Variants in SRBD1 observed in about 807,000 individuals in gnomAD.
The protein encoded by SRBD1 is S1 RNA-binding domain-containing protein 1.
SRBD1 carries 88 observed loss-of-function variants against 115.3 expected under a neutral mutation model. The ratio of observed to expected loss-of-function variants is 0.76; its 90% CI spans 0.64 to 0.91. SRBD1 has a LOEUF of 0.91. SRBD1 is among the 40% of genes least tolerant of loss of function. SRBD1 has a pLI of 0.00. For missense variants in SRBD1, 1,385 were observed against 1,177.4 expected, an observed-to-expected ratio of 1.18 and a Z score of -2.58; for synonymous variants, 509 against 407.7, an observed-to-expected ratio of 1.25 and a Z score of -2.99.
Position 45,491,302 on chromosome 2 carries a change from T to C in SRBD1, c.1875-2971A>G, listed in dbSNP as rs148968305. Among the ~76,000 whole-genome samples, 827 of 152,316 alleles carry C rather than the reference T, an allele frequency of 5.4e-3. 4 individuals are homozygous for C. Among genetic ancestry groups the C allele is most frequent in the Middle Eastern group, 0.02 (6 of 294 alleles). ...AAATGAACTTTATATAAAATTCATA[T>C]ATCTAACGATTTAATATTACATTTC... On this transcript the variant is annotated intron_variant, in intron 14 of 20. Transcript: ENST00000263736.
chr2:45,589,653 T>C (rs1189418467), intron 4 of SRBD1, among the ~76,000 whole-genome samples: 1 of 152,210 alleles, frequency 6.6e-6, no homozygotes, highest in African/African-American at 2.4e-5. Context: ...ATGTATGTTA[T>C]GGGAGTGTAC....
At chr2:45,517,162 A>G (rs1671144322) in intron 14 of SRBD1, among the ~76,000 whole-genome samples, 1 of 152,194 alleles carries the variant, frequency 6.6e-6, no homozygotes, top group South Asian at 2.1e-4. Flanking sequence ...TCATAATTAA[A>G]TATCATTTAA....
intron 17 of SRBD1, among the ~76,000 whole-genome samples, 154 bp downstream of exon 17, chr2:45,419,634 G>C (rs1266099059): frequency 6.6e-6 from 1 of 152,184 alleles, no homozygotes; most frequent in Non-Finnish European, 1.5e-5. Flanking sequence ...CTTAAATGAT[G>C]TCTTCCCCTC....
At chr2:45,448,535 C>G (rs1020951621) in intron 16 of SRBD1, among the ~76,000 whole-genome samples, 9 of 152,164 alleles carry the variant, frequency 5.9e-5, no homozygotes, top group African/African-American at 2.2e-4. Context: ...ACACAAATGT[C>G]GAAATCACAC....
intron 16 of SRBD1, among the ~76,000 whole-genome samples, chr2:45,460,006 T>G (rs1040209102): frequency 1.3e-5 from 2 of 152,208 alleles, no homozygotes; most frequent in Admixed American, 1.3e-4. Context: ...AGCATAGTTA[T>G]GTGCCCAAGG....
chr2:45,420,960 T>G (rs1667980792), intron 16 of SRBD1, among the ~76,000 whole-genome samples: 2 of 152,226 alleles, frequency 1.3e-5, no homozygotes, highest in African/African-American at 4.8e-5. Context: ...GTGGTAGCAC[T>G]ATCTGAATCT....
intron 16 of SRBD1, among the ~76,000 whole-genome samples, chr2:45,470,711 C>T (rs1669622864): frequency 6.6e-6 from 1 of 152,192 alleles, no homozygotes; most frequent in South Asian, 2.1e-4. Context: ...CTGCATCATC[C>T]TGCTCTCACT....
chr2:45,602,240 T>C (rs1674117922), intron 2 of SRBD1, among the ~76,000 whole-genome samples, 157 bp from the exon 3 acceptor site: 1 of 152,202 alleles, frequency 6.6e-6, no homozygotes, highest in Admixed American at 6.5e-5. Flanking sequence ...TTGCTAAGAA[T>C]TGAACCAACA....
intron 14 of SRBD1, among the ~76,000 whole-genome samples, chr2:45,534,244 A>T: frequency 6.6e-6 from 1 of 152,014 alleles, no homozygotes; most frequent in Non-Finnish European, 1.5e-5. Flanking sequence ...TGGTCTATTT[A>T]AATATGTATT....
intron 14 of SRBD1, among the ~76,000 whole-genome samples, chr2:45,523,271 G>A (rs1467040795): frequency 2.4e-4 from 32 of 132,578 alleles, no homozygotes; most frequent in African/African-American, 8.3e-4. Context: ...CACCCAAAAC[G>A]CTGGAAAAAA....
In SRBD1 at chr2:45,599,636, G is replaced by A; in HGVS notation, c.461C>T (p.Thr154Ile). 1 of 1,614,198 alleles carries A rather than the reference G, an allele frequency of 6.2e-7. No individual in the cohort carries two copies. The highest frequency in any genetic ancestry group is 8.5e-7 in the Non-Finnish European group (1 of 1,180,032). The change falls in exon 4 of 21, where the codon ACA becomes ATA. Residue 154 changes from threonine to isoleucine, a missense_variant. Thr to Ile is a moderately conservative substitution (Grantham distance 89, BLOSUM62 -1). Transcript: ENST00000263736. ...NLEGESNSSE[T>I]PSTSTVWGGT... ...TCCCCACACAGTGCTTGTGGATGGTGTCTCTGAACTATTACTCTCACCCTC... is the reference window on the plus strand; with the variant it reads ...TCCCCACACAGTGCTTGTGGATGGTATCTCTGAACTATTACTCTCACCCTC...
chr2:45,567,580 G>A (rs1227324686), intron 9 of SRBD1, among the ~76,000 whole-genome samples: 2 of 151,348 alleles, frequency 1.3e-5, no homozygotes, highest in Admixed American at 1.3e-4. Context: ...CTGCACTCCA[G>A]CCTGGGTGAA....
Position 45,418,630 on chromosome 2 carries a change from T to TG in SRBD1, c.2157-90dup. ...ATTTGGATCATAAAAACGACTGCAA[T>TG]GACATATCCTCATACGGCTAAGTTA... On this transcript the variant is annotated intron_variant, in intron 17 of 20. Transcript: ENST00000263736. 4 of 1,143,848 alleles carry TG rather than the reference T, an allele frequency of 3.5e-6. No homozygotes were observed. The South Asian group carries it at 6.6e-5, about 19-fold the overall frequency. The allele number at this position is 1,143,848 out of a possible 1,614,324, so 70.9% of individuals were successfully genotyped here.
At chr2:45,445,758 C>T (rs1046846701) in intron 16 of SRBD1, among the ~76,000 whole-genome samples, 1 of 152,042 alleles carries the variant, frequency 6.6e-6, no homozygotes, top group African/African-American at 2.4e-5. Flanking sequence ...CTACTGATAA[C>T]TCACCTATGA....
chr2:45,584,604 G>C (rs1263404926), intron 5 of SRBD1, among the ~76,000 whole-genome samples: 2 of 152,158 alleles, frequency 1.3e-5, no homozygotes, highest in Non-Finnish European at 2.9e-5. Context: ...ATTTTAATCA[G>C]ATCTTTTTTG....
chr2:45,549,791 A>T (rs1572763372), intron 12 of SRBD1, among the ~76,000 whole-genome samples: 1 of 152,020 alleles, frequency 6.6e-6, no homozygotes, highest in East Asian at 1.9e-4. Flanking sequence ...TGAGCACAGG[A>T]AGCAGAGGCT....
At chr2:45,407,234 T>C (rs892423147) in intron 19 of SRBD1, among the ~76,000 whole-genome samples, 2 of 152,178 alleles carry the variant, frequency 1.3e-5, no homozygotes, top group Non-Finnish European at 2.9e-5. Context: ...AATGAGGAAG[T>C]AGTCAATGAA....
At chr2:45,405,082 T>C (rs1475415276) in intron 19 of SRBD1, among the ~76,000 whole-genome samples, 3 of 152,156 alleles carry the variant, frequency 2.0e-5, no homozygotes, top group Non-Finnish European at 4.4e-5. Flanking sequence ...CCCTATTCCA[T>C]TACTCTGCTC....
chr2:45,611,169 G>A (rs1395621848), intron 1 of SRBD1, 50 bp downstream of exon 1: 2 of 152,188 alleles, frequency 1.3e-5, no homozygotes, highest in East Asian at 1.9e-4. Flanking sequence ...CCCGGACGCC[G>A]GGCTCTTGAG....
Sources: allele counts gnomAD v4.1 joint callset (sites outside exome capture counted in the v4.1 genomes callset), GRCh38; gene constraint gnomAD v4.1.1; transcripts MANE v1.5; gene names NCBI Gene and HGNC (gene_info 2026-07-23, HGNC 2026-07-21).